Variants in CDH13 observed in about 807,000 individuals in gnomAD.
CDH13 encodes cadherin-13.
A neutral mutation model predicts 63.8 loss-of-function variants in CDH13; 24 were observed. The observed-to-expected ratio is 0.38, with a 90% CI of 0.27 to 0.53. The LOEUF (loss-of-function observed/expected upper bound fraction) is 0.53, where lower values mean the gene tolerates loss of function less well. Among genes scored for constraint, CDH13 ranks in the 20% least tolerant of loss-of-function variants. The pLI, the probability that CDH13 is intolerant of heterozygous loss-of-function variation, is 0.85. For missense variants in CDH13, 1,049 were observed against 903.1 expected (o/e 1.16, Z -2.07); for synonymous variants, 503 against 355.3 (o/e 1.42, Z -4.67).
chr16:83,451,718 A>G (rs1251203825), intron 6 of CDH13, among the ~76,000 whole-genome samples: 1 of 152,272 alleles, frequency 6.6e-6, no homozygotes, highest in African/African-American at 2.4e-5. Flanking sequence ...AGGTCCCACT[A>G]TATTACCCAG....
chr16:83,565,832 T>C (rs1032847252), intron 7 of CDH13, among the ~76,000 whole-genome samples: 1 of 152,232 alleles, frequency 6.6e-6, no homozygotes, highest in African/African-American at 2.4e-5. Flanking sequence ...ACTGATTTAT[T>C]ATTTTCTGAT....
chr16:83,562,494 A>C (rs147965414), intron 7 of CDH13, among the ~76,000 whole-genome samples: 1 of 152,324 alleles, frequency 6.6e-6, no homozygotes, highest in East Asian at 1.9e-4. Flanking sequence ...TTTAATTTCT[A>C]TTTGCCTATT....
intron 4 of CDH13, among the ~76,000 whole-genome samples, chr16:83,189,104 C>G (rs1185149785): frequency 6.6e-6 from 1 of 152,234 alleles, no homozygotes; most frequent in African/African-American, 2.4e-5. Flanking sequence ...CCTGTTTCAA[C>G]AAAGTACATT....
intron 7 of CDH13, among the ~76,000 whole-genome samples, chr16:83,505,926 C>T (rs2074385183): frequency 1.3e-5 from 2 of 152,194 alleles, no homozygotes; most frequent in African/African-American, 4.8e-5. Context: ...CTTCCTTCAA[C>T]ATTCCATAAC....
At chr16:82,928,055 A>T (rs755406455) in intron 2 of CDH13, among the ~76,000 whole-genome samples, 4 of 152,150 alleles carry the variant, frequency 2.6e-5, no homozygotes, top group African/African-American at 9.7e-5. Context: ...GGATGGTGAC[A>T]TGCCTCTCAG....
At chr16:83,581,810 C>A (rs368793204) in intron 7 of CDH13, among the ~76,000 whole-genome samples, 1 of 152,088 alleles carries the variant, frequency 6.6e-6, no homozygotes, top group Non-Finnish European at 1.5e-5. Context: ...CAGAGCAAGA[C>A]CCTGTCTCAA....
chr16:83,230,242 C>T (rs904726986), intron 5 of CDH13, among the ~76,000 whole-genome samples: 1 of 152,168 alleles, frequency 6.6e-6, no homozygotes, highest in East Asian at 1.9e-4. Flanking sequence ...TGTTTCTTAT[C>T]TCCTGTGATG....
chr16:83,184,013 A>AC (rs2038430718), intron 4 of CDH13, among the ~76,000 whole-genome samples: 1 of 150,906 alleles, frequency 6.6e-6, no homozygotes, highest in Admixed American at 6.6e-5. Context: ...AAGCCATAGC[A>AC]CTGATTGTAG....
intron 6 of CDH13, among the ~76,000 whole-genome samples, chr16:83,391,773 G>A (rs1236647210): frequency 1.3e-5 from 2 of 152,134 alleles, no homozygotes; most frequent in Non-Finnish European, 2.9e-5. Flanking sequence ...TTCCAGAATT[G>A]GTGAGATTCT....
chr16:83,197,818 T>TCACACA (rs58704316), intron 4 of CDH13, among the ~76,000 whole-genome samples: 1 of 149,010 alleles, frequency 6.7e-6, no homozygotes, highest in Non-Finnish European at 1.5e-5. Flanking sequence ...TCTGACACAT[T>TCACACA]CACACACACA....
intron 2 of CDH13, among the ~76,000 whole-genome samples, chr16:83,008,459 G>T (rs770632752): frequency 2.0e-5 from 3 of 152,200 alleles, no homozygotes; most frequent in Non-Finnish European, 4.4e-5. Context: ...AGAACTAGGA[G>T]ACCAGTGGGG....
chr16:83,332,135 A>G (rs1481980713), intron 5 of CDH13, among the ~76,000 whole-genome samples: 1 of 152,152 alleles, frequency 6.6e-6, no homozygotes, highest in African/African-American at 2.4e-5. Flanking sequence ...TACAATATAT[A>G]ACATGCTATA....
intron 5 of CDH13, among the ~76,000 whole-genome samples, chr16:83,252,634 C>A (rs1306065179): frequency 6.6e-6 from 1 of 152,170 alleles, no homozygotes; most frequent in African/African-American, 2.4e-5. Context: ...CAGTGGGAAG[C>A]TCAGCACATG....
intron 10 of CDH13, among the ~76,000 whole-genome samples, chr16:83,745,941 G>T (rs1056612657): frequency 5.3e-5 from 8 of 152,150 alleles, no homozygotes; most frequent in African/African-American, 1.9e-4. Flanking sequence ...CACTAAGTTA[G>T]CTGGGAAGCA....
At chr16:83,111,002 CA>C (rs398030036) in intron 3 of CDH13, among the ~76,000 whole-genome samples, 2,999 of 106,248 alleles carry the variant, frequency 0.028, 115 homozygotes, top group African/African-American at 0.1. Flanking sequence ...TAGGTTGTTG[CA>C]AAAAAAAAAA....
At chr16:83,674,478 G>C (rs11642219) in intron 9 of CDH13, among the ~76,000 whole-genome samples, 1 of 152,144 alleles carries the variant, frequency 6.6e-6, no homozygotes, top group East Asian at 1.9e-4. Flanking sequence ...CCAATTTCCC[G>C]TGATGTTTCA....
intron 1 of CDH13, among the ~76,000 whole-genome samples, chr16:82,703,818 A>G (rs993437383): frequency 2.0e-5 from 3 of 152,038 alleles, no homozygotes; most frequent in Admixed American, 6.6e-5. Context: ...AACAATGTGT[A>G]TATACTTCCT....
chr16:83,110,509 C>G (rs912143383), intron 3 of CDH13, among the ~76,000 whole-genome samples: 3 of 152,088 alleles, frequency 2.0e-5, no homozygotes, highest in Non-Finnish European at 2.9e-5. Context: ...ACTGGGCTGG[C>G]GAGCTGAGTC....
At chr16:83,702,299 C>A (rs1906360572) in intron 10 of CDH13, among the ~76,000 whole-genome samples, 1 of 152,198 alleles carries the variant, frequency 6.6e-6, no homozygotes, top group African/African-American at 2.4e-5. Flanking sequence ...GATAACCCCT[C>A]AAATCTCAAT....
Sources: gnomAD v4.1 joint callset for allele counts (sites outside exome capture counted in the v4.1 genomes callset) on GRCh38, gnomAD v4.1.1 for gene constraint, MANE v1.5 for transcripts, NCBI Gene and HGNC (gene_info 2026-07-23, HGNC 2026-07-21) for gene names.